The following RYR2 variants were observed in gnomAD, a reference collection of about 807,000 sequenced individuals.
RYR2 encodes the protein cardiac muscle ryanodine receptor-calcium release channel.
Under a neutral mutation model 601.1 loss-of-function variants are expected in RYR2, and 227 were observed. The observed-to-expected ratio is 0.38, with a 90% CI of 0.34 to 0.42. The LOEUF (loss-of-function observed/expected upper bound fraction) is 0.42. RYR2 is among the 10% of genes least tolerant of loss of function. RYR2 has a pLI of 1.00. For synonymous variants in RYR2, 2,223 were observed against 2,175.1 expected, an observed-to-expected ratio of 1.02 and a Z score of -0.61; for missense variants, 4,646 against 6,156.5, an observed-to-expected ratio of 0.75 and a Z score of 8.21.
chr1:237,409,804 A>G (rs1704264617), intron 10 of RYR2, among the ~76,000 whole-genome samples: 1 of 152,172 alleles, frequency 6.6e-6, no homozygotes, highest in East Asian at 1.9e-4. Context: ...CTACAGAAAC[A>G]TGTAATTATA....
intron 1 of RYR2, among the ~76,000 whole-genome samples, chr1:237,139,301 C>T (rs1673131373): frequency 6.6e-6 from 1 of 152,152 alleles, no homozygotes; most frequent in Non-Finnish European, 1.5e-5. Flanking sequence ...CTGTGGGATT[C>T]CACTGATATG....
rs11583646 is a variant in RYR2 at position 237,643,519 on chromosome 1, G to A, written c.7342+72G>A. On this transcript the variant is annotated intron_variant, in intron 48 of 104. Coordinates refer to ENST00000366574, the MANE Select transcript of RYR2 (RefSeq NM_001035.3). ...CATCATGTTCTAAAGAATGTTTTCC[G>A]TACTCAACATCCCAACCTCTCCACT... The A allele has an allele frequency of 0.11, 176,473 of 1,577,024 alleles. 10,668 individuals are homozygous for A. The highest frequency in any genetic ancestry group is 0.21 in the African/African-American group (15,389 of 74,244).
chr1:237,279,931 G>GTA (rs1168636965), intron 2 of RYR2, among the ~76,000 whole-genome samples: 2 of 152,178 alleles, frequency 1.3e-5, no homozygotes, highest in African/African-American at 4.8e-5. Context: ...CACATTCACA[G>GTA]TATGTATGAA....
intron 29 of RYR2, among the ~76,000 whole-genome samples, chr1:237,578,964 T>C (rs1673581378): frequency 6.6e-6 from 1 of 152,158 alleles, no homozygotes. Context: ...CCCTGTTCTT[T>C]TGTACCATTA....
chr1:237,793,751 C>T (rs945870526), intron 94 of RYR2, 116 bp from the exon 95 acceptor site: 20 of 760,738 alleles, frequency 2.6e-5, no homozygotes, highest in African/African-American at 9.0e-5. Context: ...CCATTTTTAC[C>T]TTCCTAGAAG....
chr1:237,247,268 T>A (rs1176725251), intron 1 of RYR2, among the ~76,000 whole-genome samples: 3 of 152,138 alleles, frequency 2.0e-5, no homozygotes, highest in African/African-American at 7.2e-5. Context: ...CGTGCAAAAA[T>A]AATTGTTTCT....
At chr1:237,510,058 T>C (rs1665728492) in intron 23 of RYR2, among the ~76,000 whole-genome samples, 1 of 152,150 alleles carries the variant, frequency 6.6e-6, no homozygotes, top group Non-Finnish European at 1.5e-5. Context: ...CTAAAGAGCA[T>C]TGAAAAATGC....
intron 94 of RYR2, 59 bp downstream of exon 94, chr1:237,792,382 CGTGTGTGTGTGTGTGCGTGTGTGTGTGT>C: frequency 4.4e-4 from 293 of 665,412 alleles, no homozygotes; most frequent in Non-Finnish European, 5.6e-4. Context: ...TGTGTGTGTG[CGTGTGTGTGTGTGTGCGTGTGTGTGTGT>C]GTGTGTGTGT....
rs116389412 is a variant in RYR2 at position 237,172,217 on chromosome 1, A to G, written c.49-98280A>G. On this transcript the variant is annotated intron_variant, in intron 1 of 104. Transcript: ENST00000366574. ...TCATACAAGGTGAATTTAATCAGTAAGCAGTTTCATTAGACTTTGAATGTT... is the reference window on the plus strand; with the variant it reads ...TCATACAAGGTGAATTTAATCAGTAGGCAGTTTCATTAGACTTTGAATGTT... Among the ~76,000 whole-genome samples the G allele has an allele frequency of 6.1e-3, 927 of 152,322 alleles. 9 individuals are homozygous for G. The highest frequency in any genetic ancestry group is 0.033 in the South Asian group (157 of 4,828).
intron 8 of RYR2, among the ~76,000 whole-genome samples, chr1:237,380,844 G>A (rs1252588833): frequency 1.3e-5 from 2 of 152,096 alleles, no homozygotes; most frequent in African/African-American, 2.4e-5. Flanking sequence ...CTGGAAGGCC[G>A]AGGCGGGTGG....
chr1:237,300,564 CT>C (rs1218445645), intron 2 of RYR2, among the ~76,000 whole-genome samples: 1 of 152,162 alleles, frequency 6.6e-6, no homozygotes, highest in Non-Finnish European at 1.5e-5. Context: ...CAGTGATAAA[CT>C]TTTCAGTGAT....
chr1:237,432,661 G>A (rs1372317905), intron 12 of RYR2, among the ~76,000 whole-genome samples: 1 of 152,092 alleles, frequency 6.6e-6, no homozygotes, highest in African/African-American at 2.4e-5. Context: ...TTTAAAAAAT[G>A]ACTTTTGTTT....
At chr1:237,630,457 A>G (rs978311719) in intron 41 of RYR2, among the ~76,000 whole-genome samples, 1 of 152,166 alleles carries the variant, frequency 6.6e-6, no homozygotes, top group Non-Finnish European at 1.5e-5. Flanking sequence ...ATTAAAAATA[A>G]TAAATGCAAA....
intron 6 of RYR2, 69 bp from the exon 7 acceptor site, chr1:237,374,648 C>A: frequency 1.5e-6 from 2 of 1,320,398 alleles, no homozygotes; most frequent in African/African-American, 1.5e-5. Context: ...TACAGAGCAA[C>A]CTTGTCTCAA....
chr1:237,404,023 G>A (rs183232688), intron 10 of RYR2, among the ~76,000 whole-genome samples: 1 of 152,206 alleles, frequency 6.6e-6, no homozygotes, highest in Non-Finnish European at 1.5e-5. Context: ...GGAGACTCAG[G>A]TGGGTGGATT....
chr1:237,562,589 A>G (rs1488087468), intron 27 of RYR2, among the ~76,000 whole-genome samples: 1 of 152,176 alleles, frequency 6.6e-6, no homozygotes, highest in Non-Finnish European at 1.5e-5. Flanking sequence ...TTAATAATAT[A>G]ATTCCTGAAT....
chr1:237,507,729 G>A (rs571769547), intron 23 of RYR2, among the ~76,000 whole-genome samples: 1 of 152,344 alleles, frequency 6.6e-6, no homozygotes, highest in African/African-American at 2.4e-5. Flanking sequence ...TGATGACCTA[G>A]CGGAGAGTTC....
chr1:237,403,661 A>G (rs1405338993), intron 10 of RYR2, among the ~76,000 whole-genome samples: 1 of 152,158 alleles, frequency 6.6e-6, no homozygotes, highest in African/African-American at 2.4e-5. Flanking sequence ...TCTGATCTTA[A>G]CCAGTCCCCC....
At chr1:237,465,127 A>G (rs913324606) in intron 16 of RYR2, among the ~76,000 whole-genome samples, 8 of 151,440 alleles carry the variant, frequency 5.3e-5, no homozygotes, top group Non-Finnish European at 7.4e-5. Flanking sequence ...TGCATGCACG[A>G]TGTTCAGGAG....
Sources: allele counts gnomAD v4.1 joint callset (sites outside exome capture counted in the v4.1 genomes callset), GRCh38; gene constraint gnomAD v4.1.1; transcripts MANE v1.5; gene names NCBI Gene and HGNC (gene_info 2026-07-23, HGNC 2026-07-21).